SLC25A25: variants seen among roughly 807,000 people sequenced by gnomAD.
The protein encoded by SLC25A25 is solute carrier family 25 member 25, also known as mitochondrial adenyl nucleotide antiporter SLC25A25.
Under a neutral mutation model 57.7 loss-of-function variants are expected in SLC25A25, and 32 were observed. The observed-to-expected ratio is 0.55, with a 90% CI of 0.42 to 0.74. The LOEUF is 0.74. SLC25A25 is among the 30% of genes least tolerant of loss of function. The pLI is 0.00. For missense variants in SLC25A25, 556 were observed against 701.3 expected, an observed-to-expected ratio of 0.79 and a Z score of 2.34; for synonymous variants, 306 against 291.2, an observed-to-expected ratio of 1.05 and a Z score of -0.52.
chr9:128,105,706 G>A, intron 6 of SLC25A25, 23 bp from the exon 7 acceptor site: 1 of 1,611,900 alleles, frequency 6.2e-7, no homozygotes, highest in Middle Eastern at 2.1e-4. Flanking sequence ...GGGTCCGTCT[G>A]ACTGTTCGGT....
Position 128,102,567 on chromosome 9 carries a change from C to G in SLC25A25, c.624+86C>G. 1 of 1,078,662 alleles carries G rather than the reference C, an allele frequency of 9.3e-7. No homozygotes were observed. The highest frequency in any genetic ancestry group is 2.6e-5 in the East Asian group (1 of 38,914). The allele number at this position is 1,078,662 out of a possible 1,614,324, so 66.8% of individuals were successfully genotyped here. On this transcript the variant is annotated intron_variant, in intron 5 of 10. Transcript: ENST00000373069. The surrounding 1 kb of genome is among the most constrained non-coding windows in gnomAD (Gnocchi z 4.1). Reference sequence around the variant, plus strand: ...CAGTCGTCCCCATCCCAGAGTGCAGCTGGGGCTTTCCAGCCACCTCCTCTT... The same window carrying G: ...CAGTCGTCCCCATCCCAGAGTGCAGGTGGGGCTTTCCAGCCACCTCCTCTT...
In SLC25A25 at chr9:128,101,986, G is replaced by A; in HGVS notation, c.477-94G>A. ...TCGTCTCGTGCCGTGCTGTGCCCCTGTCTCTGGGTGTGTGCTTGCTTCACT... is the reference window on the plus strand; with the variant it reads ...TCGTCTCGTGCCGTGCTGTGCCCCTATCTCTGGGTGTGTGCTTGCTTCACT... On this transcript the variant is annotated intron_variant, in intron 3 of 10. Transcript: ENST00000373069. This position sits in a 1 kb window ranked among gnomAD's most constrained non-coding sequence, Gnocchi z 4.9. 2 of 1,433,922 alleles carry A rather than the reference G, an allele frequency of 1.4e-6. No individual in the cohort carries two copies. Among genetic ancestry groups the A allele is most frequent in the Admixed American group, 3.9e-5 (2 of 50,744 alleles). 88.8% of individuals were successfully genotyped at this position (1,433,922 alleles called of 1,614,324 possible).
chr9:128,094,805 T>C (rs1343943277), intron 1 of SLC25A25, among the ~76,000 whole-genome samples: 1 of 152,228 alleles, frequency 6.6e-6, no homozygotes, highest in Non-Finnish European at 1.5e-5. Context: ...GCAGATTTGC[T>C]GTGAGAAGAT....
rs1274544016 is a variant in SLC25A25, at chr9:128,102,776, C to T, written c.624+295C>T. On this transcript the variant is annotated intron_variant, in intron 5 of 10. Coordinates refer to ENST00000373069, the MANE Select transcript of SLC25A25 (RefSeq NM_001330988.2). This position sits in a 1 kb window ranked among gnomAD's most constrained non-coding sequence, Gnocchi z 4.1. ...TCCTCATGGGCCACTTCAAATACCC[C>T]TTCCCATGATGCTGTCTGTTCTCCC... Among the ~76,000 whole-genome samples, 1 of 152,232 alleles carries T rather than the reference C, an allele frequency of 6.6e-6. No individual in the cohort carries two copies. Among genetic ancestry groups the T allele is most frequent in the Non-Finnish European group, 1.5e-5 (1 of 68,034 alleles).
At chr9:128,077,309 C>T (rs952084216) in intron 1 of SLC25A25, among the ~76,000 whole-genome samples, 2 of 151,362 alleles carry the variant, frequency 1.3e-5, no homozygotes, top group Non-Finnish European at 2.9e-5. Flanking sequence ...GGGTGGATCA[C>T]GAGGTCAGGG....
intron 6 of SLC25A25, among the ~76,000 whole-genome samples, chr9:128,104,732 T>C (rs1234989918): frequency 1.3e-5 from 2 of 152,054 alleles, no homozygotes; most frequent in African/African-American, 4.8e-5. Flanking sequence ...GAGAGAGAGG[T>C]TGGCTGTGGT....
At chr9:128,079,709 G>A (rs1047312812) in intron 1 of SLC25A25, among the ~76,000 whole-genome samples, 4 of 147,810 alleles carry the variant, frequency 2.7e-5, no homozygotes, top group Admixed American at 2.0e-4. Flanking sequence ...AAACCCAGGA[G>A]GGGCCAGGCG....
In SLC25A25 at chr9:128,101,080, T is replaced by C; in HGVS notation, c.262-16T>C. The C allele has an allele frequency of 1.2e-6, 2 of 1,614,028 alleles. No homozygotes were observed. Among genetic ancestry groups the C allele is most frequent in the Non-Finnish European group, 1.7e-6 (2 of 1,180,016 alleles). ...GTCCAGGAGCCAAAAGACAAAATGT[T>C]ACCTTTCTTTTCTAGAAAATTGTAC... On this transcript the variant is annotated splice_polypyrimidine_tract_variant and intron_variant, in intron 1 of 10. Coordinates refer to ENST00000373069, the MANE Select transcript of SLC25A25 (RefSeq NM_001330988.2). The surrounding 1 kb of genome is among the most constrained non-coding windows in gnomAD (Gnocchi z 4.9).
rs531439672 is a variant in SLC25A25 at position 128,079,603 on chromosome 9, CAA to C, written c.261+11046_261+11047del. Among the ~76,000 whole-genome samples, 426 of 48,022 alleles carry C rather than the reference CAA, an allele frequency of 8.9e-3. 5 individuals carry two copies. The highest frequency in any genetic ancestry group is 0.026 in the African/African-American group (401 of 15,408). 31.5% of individuals were successfully genotyped at this position (48,022 alleles called of 152,430 possible). Reference sequence around the variant, plus strand: ...CAAAACCTTGTCTCTACTAAAAATACAAAAAAAAAAAAAAAAAAAAAAAATTA... The same window carrying C: ...CAAAACCTTGTCTCTACTAAAAATACAAAAAAAAAAAAAAAAAAAAAATTA... On this transcript the variant is annotated intron_variant, in intron 1 of 10. Transcript: ENST00000373069.
chr9:128,072,311 G>T (rs956155473), intron 1 of SLC25A25, among the ~76,000 whole-genome samples: 1 of 152,204 alleles, frequency 6.6e-6, no homozygotes, highest in Non-Finnish European at 1.5e-5. Context: ...AAAGAGAACT[G>T]TGGGGCCCTT....
intron 1 of SLC25A25, among the ~76,000 whole-genome samples, chr9:128,077,988 T>C (rs1490803956): frequency 6.6e-6 from 1 of 150,818 alleles, no homozygotes; most frequent in Non-Finnish European, 1.5e-5. Context: ...ACTGCGCCAC[T>C]GCACTCCAGT....
chr9:128,102,799 C>G lies in SLC25A25; in HGVS notation c.624+318C>G, dbSNP rs1833860768. Among the ~76,000 whole-genome samples the G allele has an allele frequency of 6.6e-6, 1 of 152,202 alleles. No individual in the cohort carries two copies. Among genetic ancestry groups the G allele is most frequent in the Non-Finnish European group, 1.5e-5 (1 of 68,034 alleles). On this transcript the variant is annotated intron_variant, in intron 5 of 10. Coordinates refer to ENST00000373069, the MANE Select transcript of SLC25A25 (RefSeq NM_001330988.2). The surrounding 1 kb of genome is among the most constrained non-coding windows in gnomAD (Gnocchi z 4.1). ...CCCTTCCCATGATGCTGTCTGTTCT[C>G]CCAAAGCTGGTATGAGCCTTCCCCC...
rs182928089 is a variant in SLC25A25 at position 128,074,582 on chromosome 9, G to A, written c.261+6002G>A. ...AAATTAGCCGGGCGTGGTGGCACAC[G>A]CCTGTAATCCCAGCTACTCGGAAGG... On this transcript the variant is annotated intron_variant, in intron 1 of 10. Transcript: ENST00000373069. Among the ~76,000 whole-genome samples the A allele has an allele frequency of 9.2e-5, 14 of 151,948 alleles. No homozygotes were observed. In the East Asian group the frequency reaches 2.8e-3, roughly 30 times the overall value.
At chr9:128,085,174 T>C (rs1833248394) in intron 1 of SLC25A25, among the ~76,000 whole-genome samples, 1 of 151,548 alleles carries the variant, frequency 6.6e-6, no homozygotes, top group Non-Finnish European at 1.5e-5. Context: ...CTACTAAAAA[T>C]ATAAAAATTA....
chr9:128,095,032 A>G lies in SLC25A25; in HGVS notation c.262-6064A>G, dbSNP rs1259026747. ...CGTTGTGCCCAGATCTTGGAGTGTC[A>G]AGAAGGCCGGTGTGAAGCATCAGGG... On this transcript the variant is annotated intron_variant, in intron 1 of 10. Transcript: ENST00000373069. The surrounding 1 kb of genome is among the most constrained non-coding windows in gnomAD (Gnocchi z 4.4). Among the ~76,000 whole-genome samples the G allele has an allele frequency of 6.6e-6, 1 of 152,206 alleles. No homozygotes were observed. The highest frequency in any genetic ancestry group is 1.5e-5 in the Non-Finnish European group (1 of 68,036).
At position 128,068,267 on chromosome 9, in the gene SLC25A25, C is replaced by A. The variant is rs1208997104; in HGVS notation, c.-53C>A. 4 of 1,132,670 alleles carry A rather than the reference C, an allele frequency of 3.5e-6. No homozygotes were observed. Among genetic ancestry groups the A allele is most frequent in the Non-Finnish European group, 3.4e-6 (3 of 888,830 alleles). The allele number at this position is 1,132,670 out of a possible 1,614,324, so 70.2% of individuals were successfully genotyped here. ...TGGCTTGCCTCCCGCGCGGTCACCG[C>A]CGGCCCGCCGCCCCCGCTCCCGCCC... On this transcript the variant is annotated 5_prime_UTR_variant, in exon 1 of 11. Transcript: ENST00000373069.
intron 1 of SLC25A25, among the ~76,000 whole-genome samples, chr9:128,084,021 A>G (rs1833220439): frequency 6.6e-6 from 1 of 152,056 alleles, no homozygotes; most frequent in Non-Finnish European, 1.5e-5. Context: ...AATTTGGAAT[A>G]AGTCAAGTGC....
At chr9:128,074,101 G>A (rs1832959926) in intron 1 of SLC25A25, among the ~76,000 whole-genome samples, 1 of 151,792 alleles carries the variant, frequency 6.6e-6, no homozygotes, top group Admixed American at 6.6e-5. Flanking sequence ...GTGCGGTGGT[G>A]CAATCTCGGC....
Position 128,068,336 on chromosome 9 carries a change from T to C in SLC25A25, c.17T>C (p.Leu6Ser). ...TCGCGCCCGATGGTGAGCAGTGTGT[T>C]GTGCCGCTGTGTGGCCTCCCCGCCG... is the stretch of plus-strand genomic sequence containing the variant. Reference protein sequence around the residue: MVSSVLCRCVASPPPD... With the variant: MVSSVSCRCVASPPPD... The change falls in exon 1 of 11, where the codon TTG (leucine) becomes TCG (serine). Residue 6 changes from leucine (L) to serine (S), a missense_variant. Transcript: ENST00000373069. The C allele has an allele frequency of 5.9e-6, 9 of 1,527,452 alleles. No individual in the cohort carries two copies. The highest frequency in any genetic ancestry group is 7.9e-6 in the Non-Finnish European group (9 of 1,144,264). The allele number at this position is 1,527,452 out of a possible 1,614,324, so 94.6% of individuals were successfully genotyped here. A position where few individuals can be genotyped will look rare whatever the true frequency, so the allele number is the denominator to read the frequency against.
Sources: allele counts gnomAD v4.1 joint callset (sites outside exome capture counted in the v4.1 genomes callset), GRCh38; gene constraint gnomAD v4.1.1; non-coding constraint Gnocchi (gnomAD v3.1); transcripts MANE v1.5; gene names NCBI Gene and HGNC (gene_info 2026-07-23, HGNC 2026-07-21).